Variants in PIBF1 observed in about 807,000 individuals in gnomAD.
PIBF1 encodes progesterone-induced-blocking factor 1.
PIBF1 carries 90 observed loss-of-function variants against 112.5 expected under a neutral mutation model. The observed-to-expected ratio is 0.80, with a 90% confidence interval of 0.67 to 0.95. PIBF1 has a LOEUF of 0.95. PIBF1 is among the 40% of genes least tolerant of loss of function. The pLI is 0.00. For synonymous variants in PIBF1, 301 were observed against 288.6 expected, an observed-to-expected ratio of 1.04 and a Z score of -0.44; for missense variants, 915 against 852.3, an observed-to-expected ratio of 1.07 and a Z score of -0.92.
chr13:72,866,666 A>T (rs1172721932), intron 10 of PIBF1, among the ~76,000 whole-genome samples: 3 of 152,162 alleles, frequency 2.0e-5, no homozygotes, highest in Non-Finnish European at 4.4e-5. Context: ...TAACAGATAC[A>T]GTATAAAAAC....
intron 9 of PIBF1, among the ~76,000 whole-genome samples, chr13:72,837,372 C>A (rs2037408121): frequency 6.6e-6 from 1 of 151,960 alleles, no homozygotes; most frequent in South Asian, 2.1e-4. Context: ...CTAAGCTAGC[C>A]TTCATATGTT....
At chr13:72,837,729 A>T (rs1384403274) in intron 9 of PIBF1, among the ~76,000 whole-genome samples, 1 of 152,158 alleles carries the variant, frequency 6.6e-6, no homozygotes, top group African/African-American at 2.4e-5. Context: ...TCTCTGCACA[A>T]TATAGTTTAG....
At chr13:72,969,883 C>A (rs1381871530) in intron 15 of PIBF1, 1 of 152,120 alleles carries the variant, frequency 6.6e-6, no homozygotes, top group African/African-American at 2.4e-5. Flanking sequence ...CTCCCCTTGT[C>A]TTTTATTTGA....
intron 2 of PIBF1, among the ~76,000 whole-genome samples, chr13:72,791,637 ATTTT>A (rs552617725): frequency 6.8e-6 from 1 of 147,108 alleles, no homozygotes; most frequent in Non-Finnish European, 1.5e-5. Flanking sequence ...TAGGAAAATA[ATTTT>A]TTTTTTTTTG....
At chr13:72,873,030 TAC>T (rs1247974622) in intron 10 of PIBF1, among the ~76,000 whole-genome samples, 3 of 152,176 alleles carry the variant, frequency 2.0e-5, no homozygotes, top group Admixed American at 1.3e-4. Flanking sequence ...CAAACCGACT[TAC>T]AGAGTCAGTG....
chr13:72,945,304 G>A (rs565845752), intron 14 of PIBF1, among the ~76,000 whole-genome samples: 4 of 152,290 alleles, frequency 2.6e-5, no homozygotes, highest in East Asian at 3.9e-4. Context: ...TTATGGGCAC[G>A]TAGGTTGATT....
intron 17 of PIBF1, among the ~76,000 whole-genome samples, chr13:73,012,333 C>T (rs931564312): frequency 6.6e-6 from 1 of 151,906 alleles, no homozygotes; most frequent in Non-Finnish European, 1.5e-5. Flanking sequence ...GCCTGGACAA[C>T]AAAGTGAGAC....
Position 72,813,098 on chromosome 13 carries a change from A to G in PIBF1, c.673-8751A>G, listed in dbSNP as rs546157308. 2.6e-5 allele frequency among the ~76,000 whole-genome samples: 4 copies of G among 152,346 alleles called. No homozygotes were observed. The South Asian group carries it at 8.3e-4, about 32-fold the overall frequency. On this transcript the variant is annotated intron_variant, in intron 5 of 17. Transcript: ENST00000326291. ...GTTCAAATAGAGAAAAATGATGACA[A>G]TATAGAGTTGTCACACTACTGAGCA... is the stretch of plus-strand genomic sequence containing the variant.
chr13:72,823,066 G>A (rs943293912), intron 6 of PIBF1, among the ~76,000 whole-genome samples: 71 of 152,238 alleles, frequency 4.7e-4, no homozygotes, highest in African/African-American at 1.6e-3. Context: ...CTGCACTCCA[G>A]CCTGGTGGCA....
chr13:73,009,317 A>G (rs1170233505), intron 17 of PIBF1, among the ~76,000 whole-genome samples: 1 of 152,192 alleles, frequency 6.6e-6, no homozygotes, highest in Admixed American at 6.5e-5. Flanking sequence ...CTTTACTGAT[A>G]AAATCAGAGT....
At chr13:72,898,320 A>G (rs1056425403) in intron 11 of PIBF1, among the ~76,000 whole-genome samples, 6 of 152,110 alleles carry the variant, frequency 3.9e-5, no homozygotes, top group Non-Finnish European at 8.8e-5. Context: ...GGCAGTGCCA[A>G]GAGGAAAGTT....
intron 10 of PIBF1, among the ~76,000 whole-genome samples, chr13:72,876,966 T>C (rs2039435522): frequency 6.6e-6 from 1 of 152,192 alleles, no homozygotes; most frequent in South Asian, 2.1e-4. Context: ...AAGTTCCTGA[T>C]CTTAGTAGGA....
chr13:72,941,817 G>C (rs748863513), intron 14 of PIBF1, among the ~76,000 whole-genome samples: 2 of 152,042 alleles, frequency 1.3e-5, no homozygotes, highest in Admixed American at 6.6e-5. Flanking sequence ...AATAATTTCT[G>C]TTTCTCTGTT....
chr13:72,973,381 AGAAAG>A (rs1258844419), intron 15 of PIBF1, among the ~76,000 whole-genome samples: 1 of 152,132 alleles, frequency 6.6e-6, no homozygotes, highest in Non-Finnish European at 1.5e-5. Context: ...AAAAGAAAAA[AGAAAG>A]GAAAAGAAAA....
intron 10 of PIBF1, among the ~76,000 whole-genome samples, chr13:72,860,498 G>A (rs915167645): frequency 2.0e-5 from 3 of 152,010 alleles, no homozygotes; most frequent in Non-Finnish European, 4.4e-5. Context: ...ATTCTTCAGA[G>A]GTTAAATTTT....
intron 10 of PIBF1, among the ~76,000 whole-genome samples, chr13:72,872,595 TAGG>T (rs1389557055): frequency 6.6e-6 from 1 of 152,192 alleles, no homozygotes; most frequent in Non-Finnish European, 1.5e-5. Flanking sequence ...CTAAATGTTT[TAGG>T]AGTTTTGTTT....
At chr13:73,008,645 AAAT>A (rs1296179866) in intron 17 of PIBF1, among the ~76,000 whole-genome samples, 1 of 152,194 alleles carries the variant, frequency 6.6e-6, no homozygotes, top group African/African-American at 2.4e-5. Context: ...ACAAACAAAA[AAAT>A]AAATTGAATA....
rs201820632 is a variant in PIBF1, at chr13:72,982,272, C to CA, written c.2049+8603dup. Among the ~76,000 whole-genome samples, 684 of 152,056 alleles carry CA rather than the reference C, an allele frequency of 4.5e-3. 7 individuals are homozygous for CA. The highest frequency in any genetic ancestry group is 0.015 in the African/African-American group (637 of 41,474). ...GGGCAACATGGTGAAACTGTCTCTA[C>CA]AAAAAATATGAAAATTATCCAGGGA... On this transcript the variant is annotated intron_variant, in intron 16 of 17. Transcript: ENST00000326291.
Position 73,004,256 on chromosome 13 carries a change from C to T in PIBF1, c.2223+5261C>T, listed in dbSNP as rs766725006. 3.3e-5 allele frequency among the ~76,000 whole-genome samples: 5 copies of T among 152,080 alleles called. No individual in the cohort carries two copies. The South Asian group carries it at 8.3e-4, about 25-fold the overall frequency. On this transcript the variant is annotated intron_variant, in intron 17 of 17. Coordinates refer to ENST00000326291, the MANE Select transcript of PIBF1 (RefSeq NM_006346.4). ...CTGTACTCCCAACACTTTGGGAGGCCGAGGTGGGCGGCTCACCTGAGATCA... is the reference window on the plus strand; with the variant it reads ...CTGTACTCCCAACACTTTGGGAGGCTGAGGTGGGCGGCTCACCTGAGATCA...
Sources: gnomAD v4.1 joint callset for allele counts (sites outside exome capture counted in the v4.1 genomes callset) on GRCh38, gnomAD v4.1.1 for gene constraint, MANE v1.5 for transcripts, NCBI Gene and HGNC (gene_info 2026-07-23, HGNC 2026-07-21) for gene names.